Variants in LRP1 observed in about 807,000 individuals in gnomAD.
LRP1 encodes the protein prolow-density lipoprotein receptor-related protein 1.
In LRP1, 51 loss-of-function variants were observed where a neutral mutation model predicts 541.5. The ratio of observed to expected loss-of-function variants is 0.09; its 90% CI spans 0.08 to 0.12. LRP1 has a LOEUF of 0.12. Ranked by LOEUF, LRP1 falls within the 10% of genes least tolerant of loss-of-function variation. The pLI is 1.00. For synonymous variants in LRP1, 2,219 were observed against 2,470.8 expected (o/e 0.90, Z 3.02); for missense variants, 3,878 against 6,376.2 (o/e 0.61, Z 13.34).
chr12:57,167,128 C>A, intron 18 of LRP1, 82 bp downstream of exon 18: 1 of 1,159,280 alleles, frequency 8.6e-7, no homozygotes, highest in Non-Finnish European at 1.3e-6. Flanking sequence ...GTGCCGGAGA[C>A]ACCTGCAACC....
At position 57,197,280 on chromosome 12, in the gene LRP1, C is replaced by T. The variant is rs768985658; in HGVS notation, c.9077-19C>T. On this transcript the variant is annotated intron_variant, in intron 56 of 88. Coordinates refer to ENST00000243077, the MANE Select transcript of LRP1 (RefSeq NM_002332.3). The surrounding 1 kb of genome is among the most constrained non-coding windows in gnomAD (Gnocchi z 4.5). ...CGCTAGAATGTGCCAGGAGCTGAGG[C>T]AAGATCCTCTGTCTGCAGACGAGGA... The T allele has an allele frequency of 6.2e-7, 1 of 1,613,646 alleles. No individual in the cohort carries two copies. Among genetic ancestry groups the T allele is most frequent in the Admixed American group, 1.7e-5 (1 of 60,024 alleles).
chr12:57,191,653 A>ACACAC, intron 44 of LRP1, 141 bp downstream of exon 44: 1 of 664,516 alleles, frequency 1.5e-6, no homozygotes, highest in Non-Finnish European at 2.4e-6. Context: ...ACTACACTAC[A>ACACAC]CACACCACAC....
rs1428319881 is a variant in LRP1 at position 57,165,954 on chromosome 12, C to G, written c.2671+9C>G. The G allele has an allele frequency of 6.2e-7, 1 of 1,614,018 alleles. No homozygotes were observed. Among genetic ancestry groups the G allele is most frequent in the Non-Finnish European group, 8.5e-7 (1 of 1,179,924 alleles). On this transcript the variant is annotated intron_variant, in intron 16 of 88. Transcript: ENST00000243077. This position sits in a 1 kb window ranked among gnomAD's most constrained non-coding sequence, Gnocchi z 4.5. ...GGCCCCAGCCCTCTGCCGTGAGTCA[C>G]ACGCCCTGCCCCACCCTGTTGGATG...
At position 57,203,373 on chromosome 12, in the gene LRP1, G is replaced by T; in HGVS notation, c.10819-16G>T. 1.3e-6 allele frequency: 2 copies of T among 1,598,710 alleles called. No homozygotes were observed. The highest frequency in any genetic ancestry group is 1.3e-5 in the African/African-American group (1 of 74,804). ...AGTGCCGAGAGGTGACCGGCTGCCT[G>T]TGCCCATGCCCACAGAAAGACTGCA... On this transcript the variant is annotated splice_polypyrimidine_tract_variant and intron_variant, in intron 69 of 88. Transcript: ENST00000243077.
At chr12:57,139,428 GTA>G (rs941905102) in intron 2 of LRP1, among the ~76,000 whole-genome samples, 5 of 152,256 alleles carry the variant, frequency 3.3e-5, no homozygotes, top group African/African-American at 1.2e-4. Context: ...GGGGCCAGGG[GTA>G]TTCAGCAAGT....
In LRP1 at chr12:57,211,609, A is replaced by ACC. The variant is rs1262987534; in HGVS notation, c.13193+23_13193+24dup. 1 of 1,611,606 alleles carries ACC rather than the reference A, an allele frequency of 6.2e-7. No homozygotes were observed. Among genetic ancestry groups the ACC allele is most frequent in the East Asian group, 2.2e-5 (1 of 44,864 alleles). On this transcript the variant is annotated intron_variant, in intron 85 of 88. Coordinates refer to ENST00000243077, the MANE Select transcript of LRP1 (RefSeq NM_002332.3). This position sits in a 1 kb window ranked among gnomAD's most constrained non-coding sequence, Gnocchi z 4.3. The stretch of plus-strand genomic sequence containing the variant: ...TGCCAGTGAGTTGGGCCCGGGCTTC[A>ACC]CCCAGGCATAGATCATCGCTCCCTT...
chr12:57,181,370 C>A, intron 34 of LRP1, 79 bp downstream of exon 34: 1 of 1,506,962 alleles, frequency 6.6e-7, no homozygotes, highest in South Asian at 1.3e-5. Flanking sequence ...CCACCTTCCT[C>A]TTCTTACCTT....
chr12:57,160,904 G>T lies in LRP1; in HGVS notation c.1991G>T (p.Trp664Leu). ...GTCGCTGCCCACAGGTGGATGTACT[G>T]GACAGACTGGGAGGAGGACCCCAAG... ...VVDPLNGWMYWTDWEEDPKDS... is the reference protein window; with the variant it reads ...VVDPLNGWMYLTDWEEDPKDS... The change falls in exon 13 of 89, where the codon TGG becomes TTG. Residue 664 changes from tryptophan to leucine, a missense_variant. Physicochemically the swap from Trp to Leu is moderately conservative, Grantham distance 61. This residue lies in a region of LRP1 where 496 missense variants were observed against 861.0 expected (regional missense o/e 0.58). Transcript: ENST00000243077. 6.2e-7 allele frequency: 1 copy of T among 1,613,688 alleles called. No individual in the cohort carries two copies.
At chr12:57,161,307 G>A (rs1339869466) in intron 13 of LRP1, among the ~76,000 whole-genome samples, 192 bp downstream of exon 13, 1 of 152,160 alleles carries the variant, frequency 6.6e-6, no homozygotes, top group Non-Finnish European at 1.5e-5. Context: ...CTTATGTATT[G>A]TGTTGTTTGT....
At chr12:57,169,346 G>GC in intron 20 of LRP1, 39 bp downstream of exon 20, 2 of 1,555,010 alleles carry the variant, frequency 1.3e-6, no homozygotes, top group Non-Finnish European at 1.8e-6. Context: ...ATGAGATCGA[G>GC]CCCCCTGCAT....
rs760187938 is a variant in LRP1 at position 57,184,824 on chromosome 12, G to A, written c.6187-15G>A. 7 of 1,604,002 alleles carry A rather than the reference G, an allele frequency of 4.4e-6. No homozygotes were observed. In the South Asian group the frequency reaches 5.5e-5, roughly 13 times the overall value. ...GCTCAGCCCTGGAGGTGAGGTGGGT[G>A]CCTCTGGCCTGTAGGATGGGAAGCT... On this transcript the variant is annotated splice_polypyrimidine_tract_variant and intron_variant, in intron 38 of 88. Coordinates refer to ENST00000243077, the MANE Select transcript of LRP1 (RefSeq NM_002332.3). This position sits in a 1 kb window ranked among gnomAD's most constrained non-coding sequence, Gnocchi z 7.8.
rs1212489688 is a variant in LRP1, at chr12:57,181,281, G to A, written c.5652G>A (p.Gln1884=). 2 of 1,611,972 alleles carry A rather than the reference G, an allele frequency of 1.2e-6. No individual in the cohort carries two copies. Among genetic ancestry groups the A allele is most frequent in the Admixed American group, 3.3e-5 (2 of 59,952 alleles). ...TAGYSLRSGQ[Q]ACEGVGSFLL... is the part of the protein sequence containing the mutation. ...GCTATAGCCTCCGGAGTGGCCAGCA[G>A]GCCTGCGAGGGTCAGTGCCTGGCTT... is the stretch of plus-strand genomic sequence containing the variant. Residue 1884 remains glutamine (Q), a synonymous_variant, in exon 34 of 89, where the codon CAG becomes CAA. Coordinates refer to ENST00000243077, the MANE Select transcript of LRP1 (RefSeq NM_002332.3).
In LRP1 at chr12:57,195,859, C is replaced by G. The variant is rs540368510; in HGVS notation, c.8561-4C>G. The G allele has an allele frequency of 8.1e-6, 13 of 1,613,972 alleles. No homozygotes were observed. In the East Asian group the frequency reaches 2.5e-4, roughly 30 times the overall value. On this transcript the variant is annotated splice_polypyrimidine_tract_variant and splice_region_variant and intron_variant, in intron 53 of 88. Coordinates refer to ENST00000243077, the MANE Select transcript of LRP1 (RefSeq NM_002332.3). ...TCAGCCTCACAGGTCCATTCCTCCC[C>G]CAGAGTACCCGACCTGCGGCCCCAG...
chr12:57,173,440 C>A lies in LRP1; in HGVS notation c.3346+90C>A. 1 of 1,388,372 alleles carries A rather than the reference C, an allele frequency of 7.2e-7. No homozygotes were observed. The highest frequency in any genetic ancestry group is 9.9e-7 in the Non-Finnish European group (1 of 1,008,024). The allele number at this position is 1,388,372 out of a possible 1,614,324, so 86.0% of individuals were successfully genotyped here. A position where few individuals can be genotyped will look rare whatever the true frequency, so the allele number is the denominator to read the frequency against. ...AGCAGAGTAGCGGCAAAGGGGATGG[C>A]ACTGTGCTGTGTGGAGTGGTGCTGG... On this transcript the variant is annotated intron_variant, in intron 21 of 88. Coordinates refer to ENST00000243077, the MANE Select transcript of LRP1 (RefSeq NM_002332.3). This position sits in a 1 kb window ranked among gnomAD's most constrained non-coding sequence, Gnocchi z 4.7.
chr12:57,167,146 TG>T, intron 18 of LRP1, 100 bp downstream of exon 18: 2 of 950,104 alleles, frequency 2.1e-6, no homozygotes, highest in South Asian at 2.9e-5. Context: ...ACCCAGCACT[TG>T]GGTGGCCTTG....
chr12:57,209,963 C>T (rs899776856), intron 80 of LRP1, 66 bp from the exon 81 acceptor site: 29 of 1,585,972 alleles, frequency 1.8e-5, no homozygotes, highest in Non-Finnish European at 2.4e-5. Flanking sequence ...AGGGGGTCAC[C>T]CTGGGCTCAC....
At chr12:57,153,769 A>C (rs530991148) in intron 6 of LRP1, among the ~76,000 whole-genome samples, 1 of 152,294 alleles carries the variant, frequency 6.6e-6, no homozygotes, top group East Asian at 1.9e-4. Flanking sequence ...AATTTATGCC[A>C]TATGTCCAGC....
rs1016970600 is a variant in LRP1, at chr12:57,197,769, T to C, written c.9282+105T>C. On this transcript the variant is annotated intron_variant, in intron 58 of 88. Coordinates refer to ENST00000243077, the MANE Select transcript of LRP1 (RefSeq NM_002332.3). The surrounding 1 kb of genome is among the most constrained non-coding windows in gnomAD (Gnocchi z 4.5). Reference sequence around the variant, plus strand: ...CCAACCCAAATTGCTTCCTTCTCACTCCACTAGTCACTATATGACTGCTTG... The same window carrying C: ...CCAACCCAAATTGCTTCCTTCTCACCCCACTAGTCACTATATGACTGCTTG... The C allele has an allele frequency of 9.8e-6, 13 of 1,332,774 alleles. No individual in the cohort carries two copies. Among genetic ancestry groups the C allele is most frequent in the Non-Finnish European group, 1.3e-5 (13 of 965,046 alleles). The allele number at this position is 1,332,774 out of a possible 1,614,324, so 82.6% of individuals were successfully genotyped here.
intron 51 of LRP1, 85 bp downstream of exon 51, chr12:57,195,186 G>A: frequency 1.9e-6 from 3 of 1,571,452 alleles, no homozygotes; most frequent in Non-Finnish European, 2.6e-6. Context: ...AGACACCCCT[G>A]CAGACGACGG....
Sources: allele counts gnomAD v4.1 joint callset (sites outside exome capture counted in the v4.1 genomes callset), GRCh38; gene constraint gnomAD v4.1.1; regional missense constraint gnomAD v4.1.1; non-coding constraint Gnocchi (gnomAD v3.1); transcripts MANE v1.5; gene names NCBI Gene and HGNC (gene_info 2026-07-23, HGNC 2026-07-21).